The following PTPRM variants were observed in gnomAD, a reference collection of about 807,000 sequenced individuals.
PTPRM encodes the protein receptor-type tyrosine-protein phosphatase mu.
In PTPRM, 47 loss-of-function variants were observed where a neutral mutation model predicts 186.7. The observed-to-expected ratio is 0.25, with a 90% CI of 0.20 to 0.32. The LOEUF is 0.32. Ranked by LOEUF, PTPRM falls within the 10% of genes least tolerant of loss-of-function variation. The pLI is 1.00. For missense variants in PTPRM, 1,494 were observed against 1,865.0 expected (o/e 0.80, Z 3.66); for synonymous variants, 668 against 674.9 (o/e 0.99, Z 0.16).
chr18:8,002,080 A>G (rs1273205205), intron 7 of PTPRM, among the ~76,000 whole-genome samples: 1 of 152,210 alleles, frequency 6.6e-6, no homozygotes, highest in Non-Finnish European at 1.5e-5. Flanking sequence ...AGATCATAGA[A>G]AAATTGCCGG....
intron 1 of PTPRM, among the ~76,000 whole-genome samples, chr18:7,643,159 A>G (rs1010051049): frequency 2.0e-5 from 3 of 152,062 alleles, no homozygotes; most frequent in African/African-American, 7.2e-5. Context: ...CTGAAAACAC[A>G]TGTCCTCCCA....
At chr18:8,289,801 TA>T (rs1372403152) in intron 19 of PTPRM, among the ~76,000 whole-genome samples, 1 of 151,950 alleles carries the variant, frequency 6.6e-6, no homozygotes, top group African/African-American at 2.4e-5. Context: ...TAAGTTGCAA[TA>T]AAAAGTGGCC....
chr18:7,755,233 TG>T (rs1396537534), intron 1 of PTPRM: 2 of 149,254 alleles, frequency 1.3e-5, no homozygotes, highest in African/African-American at 2.5e-5. Flanking sequence ...AGAGACTGCC[TG>T]AAAAAAAAAA....
intron 1 of PTPRM, among the ~76,000 whole-genome samples, chr18:7,577,024 C>T (rs967106534): frequency 1.3e-5 from 2 of 151,874 alleles, no homozygotes; most frequent in African/African-American, 2.4e-5. Flanking sequence ...AATGAAGAAA[C>T]AATTTAAAGA....
chr18:7,593,456 G>A (rs1332749272), intron 1 of PTPRM, among the ~76,000 whole-genome samples: 1 of 152,130 alleles, frequency 6.6e-6, no homozygotes, highest in East Asian at 1.9e-4. Context: ...TTATGGAAAT[G>A]TACTTTTTCT....
chr18:8,143,572 G>T lies in PTPRM; in HGVS notation c.2168-75G>T, dbSNP rs142466030. 89 of 1,487,882 alleles carry T rather than the reference G, an allele frequency of 6.0e-5. No homozygotes were observed. In the East Asian group the frequency reaches 1.5e-3, roughly 25 times the overall value. The allele number at this position is 1,487,882 out of a possible 1,614,324, so 92.2% of individuals were successfully genotyped here. On this transcript the variant is annotated intron_variant, in intron 13 of 32. Coordinates refer to ENST00000580170, the MANE Select transcript of PTPRM (RefSeq NM_001105244.2). ...GTCTTATTACTCTGTTAAATGCAGC[G>T]AAATTTTTTAAACTGTGGCATCTTT...
At chr18:8,064,138 TA>T (rs1343818398) in intron 7 of PTPRM, among the ~76,000 whole-genome samples, 1 of 152,188 alleles carries the variant, frequency 6.6e-6, no homozygotes, top group African/African-American at 2.4e-5. Context: ...ATTAGTTTTT[TA>T]AATTTTAAAT....
chr18:7,682,740 A>G (rs1417004828), intron 1 of PTPRM, among the ~76,000 whole-genome samples: 2 of 152,226 alleles, frequency 1.3e-5, no homozygotes, highest in African/African-American at 4.8e-5. Context: ...TTTGAGGTTC[A>G]CAAATAATTT....
At chr18:7,927,321 C>T (rs571259447) in intron 5 of PTPRM, among the ~76,000 whole-genome samples, 20 of 152,234 alleles carry the variant, frequency 1.3e-4, no homozygotes, top group African/African-American at 2.9e-4. Context: ...CCACCCACTT[C>T]TTTAAGCTCT....
chr18:7,624,433 A>G (rs1249511225), intron 1 of PTPRM, among the ~76,000 whole-genome samples: 1 of 151,886 alleles, frequency 6.6e-6, no homozygotes, highest in Non-Finnish European at 1.5e-5. Flanking sequence ...TCCTAGTTCT[A>G]CCTTTTTCTT....
rs547260012 is a variant in PTPRM at position 8,324,367 on chromosome 18, G to A, written c.2956+5153G>A. Among the ~76,000 whole-genome samples, 119 of 152,208 alleles carry A rather than the reference G, an allele frequency of 7.8e-4. 1 individual carries two copies. The highest frequency in any genetic ancestry group is 2.5e-3 in the African/African-American group (105 of 41,530). ...TCTGCCTATCTGTTATTTTGCATTC[G>A]TGCTGAAAAGTTTATGCCTTTGCTC... On this transcript the variant is annotated intron_variant, in intron 22 of 32. Transcript: ENST00000580170.
intron 1 of PTPRM, among the ~76,000 whole-genome samples, chr18:7,609,924 G>A (rs1208173256): frequency 6.6e-6 from 1 of 152,188 alleles, no homozygotes; most frequent in Non-Finnish European, 1.5e-5. Flanking sequence ...AATAAGAGTT[G>A]TGGCAATTTT....
At chr18:8,358,273 A>ACACACACATG (rs1432825525) in intron 23 of PTPRM, among the ~76,000 whole-genome samples, 1 of 151,526 alleles carries the variant, frequency 6.6e-6, no homozygotes, top group East Asian at 1.9e-4. Context: ...ACACACACAC[A>ACACACACATG]CATGCATACA....
intron 31 of PTPRM, among the ~76,000 whole-genome samples, 199 bp downstream of exon 31, chr18:8,387,434 T>G (rs1311047322): frequency 6.6e-6 from 1 of 151,346 alleles, no homozygotes; most frequent in Non-Finnish European, 1.5e-5. Context: ...TTGGATGGTG[T>G]GCCGCTGCCG....
chr18:7,801,208 C>T (rs2043948521), intron 2 of PTPRM, among the ~76,000 whole-genome samples: 2 of 145,092 alleles, frequency 1.4e-5, no homozygotes, highest in African/African-American at 2.4e-5. Flanking sequence ...TTTGTAATAA[C>T]ACTTAGCTTA....
intron 1 of PTPRM, among the ~76,000 whole-genome samples, chr18:7,654,735 G>A (rs1734941308): frequency 6.6e-6 from 1 of 152,134 alleles, no homozygotes; most frequent in Admixed American, 6.6e-5. Context: ...GCTTTTGTTA[G>A]CGTTGTCAAA....
At chr18:8,258,344 G>A (rs146038767) in intron 19 of PTPRM, among the ~76,000 whole-genome samples, 1 of 152,210 alleles carries the variant, frequency 6.6e-6, no homozygotes, top group Non-Finnish European at 1.5e-5. Flanking sequence ...CCTGCCCCAC[G>A]CAGACTTCTG....
chr18:8,094,937 G>A (rs746405168), intron 11 of PTPRM, among the ~76,000 whole-genome samples: 10 of 152,056 alleles, frequency 6.6e-5, no homozygotes, highest in East Asian at 1.9e-4. Flanking sequence ...TTGTAGTTAC[G>A]CCACTGTTAA....
intron 1 of PTPRM, among the ~76,000 whole-genome samples, chr18:7,596,341 T>G (rs377571448): frequency 2.2e-4 from 33 of 152,196 alleles, no homozygotes; most frequent in African/African-American, 7.7e-4. Context: ...AGTGAGCACT[T>G]TACAACTTAT....
Sources: allele counts gnomAD v4.1 joint callset (sites outside exome capture counted in the v4.1 genomes callset), GRCh38; gene constraint gnomAD v4.1.1; transcripts MANE v1.5; gene names NCBI Gene and HGNC (gene_info 2026-07-23, HGNC 2026-07-21).